The following ITPR1 variants were observed in gnomAD, a reference collection of about 807,000 sequenced individuals.
ITPR1 encodes the protein inositol 1,4,5-trisphosphate-gated calcium channel ITPR1.
In ITPR1, 96 loss-of-function variants were observed where a neutral mutation model predicts 318.4. That is an observed-to-expected ratio of 0.30 (90% CI 0.26 to 0.36). ITPR1 has a LOEUF of 0.36. ITPR1 is among the 10% of genes least tolerant of loss of function. ITPR1 has a pLI of 1.00. For synonymous variants in ITPR1, 1,312 were observed against 1,289.9 expected (o/e 1.02, Z -0.37); for missense variants, 2,440 against 3,460.2 (o/e 0.71, Z 7.40).
In ITPR1 at chr3:4,782,753, C is replaced by T; in HGVS notation, c.6510+12C>T. On this transcript the variant is annotated intron_variant, in intron 50 of 61. Coordinates refer to ENST00000649015, the MANE Select transcript of ITPR1 (RefSeq NM_001378452.1). ...TATTAGCCCATCAGGTATGATCTCT[C>T]CTGTGCCTCCTCTGGATGCTGCCTC... 6.8e-7 allele frequency: 1 copy of T among 1,470,968 alleles called. No individual in the cohort carries two copies. Among genetic ancestry groups the T allele is most frequent in the Non-Finnish European group, 9.0e-7 (1 of 1,105,348 alleles). 91.1% of individuals were successfully genotyped at this position (1,470,968 alleles called of 1,614,324 possible). A position where few individuals can be genotyped will look rare whatever the true frequency, so the allele number is the denominator to read the frequency against.
chr3:4,666,275 G>A (rs1393759413), intron 17 of ITPR1, among the ~76,000 whole-genome samples: 2 of 152,130 alleles, frequency 1.3e-5, no homozygotes, highest in Non-Finnish European at 1.5e-5. Context: ...TTTTTGTCAT[G>A]TCATCATAAA....
intron 17 of ITPR1, among the ~76,000 whole-genome samples, chr3:4,666,466 GT>G (rs2093948185): frequency 6.6e-6 from 1 of 152,102 alleles, no homozygotes; most frequent in African/African-American, 2.4e-5. Context: ...CACTTTGCTT[GT>G]ACATGAGGAA....
In ITPR1 at chr3:4,697,258, G is replaced by A; in HGVS notation, c.4393G>A (p.Val1465Ile). 2 of 1,556,730 alleles carry A rather than the reference G, an allele frequency of 1.3e-6. No homozygotes were observed. Among genetic ancestry groups the A allele is most frequent in the South Asian group, 1.2e-5 (1 of 84,542 alleles). ...HMWKLFENFL[V>I]DICRACNNTS... ...GTGGAAATTGTTTGAGAATTTCCTT[G>A]TAGACATCTGCAGGGTAAGGCTTTT... is the stretch of plus-strand genomic sequence containing the variant. Residue 1465 changes from valine (V) to isoleucine (I), a missense_variant, in exon 34 of 62, where the codon GTA (valine) becomes ATA (isoleucine). Val to Ile is a conservative substitution (Grantham distance 29, BLOSUM62 3). Transcript: ENST00000649015.
At chr3:4,612,094 C>G (rs1312015236) in intron 4 of ITPR1, among the ~76,000 whole-genome samples, 2 of 110,228 alleles carry the variant, frequency 1.8e-5, no homozygotes, top group Non-Finnish European at 3.4e-5. Flanking sequence ...GAGATGGAGT[C>G]TCACTCTGTC....
rs538684428 is a variant in ITPR1 at position 4,557,354 on chromosome 3, G to A, written c.163+36260G>A. Among the ~76,000 whole-genome samples, 950 of 152,222 alleles carry A rather than the reference G, an allele frequency of 6.2e-3. 4 individuals are homozygous for A. The highest frequency in any genetic ancestry group is 0.01 in the Admixed American group (154 of 15,302). ...ATTAACTATCATGAGAACAGCATGG[G>A]AAAGACCCGCCTCCATGAATCAATT... On this transcript the variant is annotated intron_variant, in intron 4 of 61. Transcript: ENST00000649015.
chr3:4,701,463 T>C (rs1382038410), intron 35 of ITPR1, among the ~76,000 whole-genome samples: 1 of 152,208 alleles, frequency 6.6e-6, no homozygotes. Context: ...AGGTTTCCCC[T>C]GCCAGTTTCC....
chr3:4,621,791 G>A (rs556064804), intron 4 of ITPR1, among the ~76,000 whole-genome samples: 12 of 152,290 alleles, frequency 7.9e-5, no homozygotes, highest in South Asian at 6.2e-4. Flanking sequence ...GCGTTTGCAC[G>A]TGCTGTTCCC....
At chr3:4,773,725 T>C (rs1164095049) in intron 46 of ITPR1, among the ~76,000 whole-genome samples, 1 of 152,192 alleles carries the variant, frequency 6.6e-6, no homozygotes, top group Non-Finnish European at 1.5e-5. Context: ...GTATCTTCCC[T>C]GAGGAGCTGG....
chr3:4,544,540 A>T (rs1209904905), intron 4 of ITPR1, among the ~76,000 whole-genome samples: 1 of 152,214 alleles, frequency 6.6e-6, no homozygotes, highest in Non-Finnish European at 1.5e-5. Context: ...GAAGTACCTA[A>T]GCTAATAGTT....
Position 4,693,760 on chromosome 3 carries a change from G to A in ITPR1, c.4281+19G>A. The A allele has an allele frequency of 3.1e-6, 5 of 1,601,794 alleles. No homozygotes were observed. The highest frequency in any genetic ancestry group is 4.3e-6 in the Non-Finnish European group (5 of 1,172,102). On this transcript the variant is annotated intron_variant, in intron 33 of 61. Transcript: ENST00000649015. ...CCCTGAGGTGAGCGAGCCCAGCCTG[G>A]CTGTGCCCTTCTCGTTGCTATGTGG...
chr3:4,799,271 G>A (rs1287084408), intron 53 of ITPR1, among the ~76,000 whole-genome samples: 1 of 152,230 alleles, frequency 6.6e-6, no homozygotes, highest in Non-Finnish European at 1.5e-5. Context: ...ATTGTTAAAT[G>A]CGTAGAAAGC....
intron 55 of ITPR1, 97 bp downstream of exon 55, chr3:4,806,364 T>G (rs1157282161): frequency 6.0e-6 from 7 of 1,173,108 alleles, no homozygotes; most frequent in Non-Finnish European, 8.8e-6. Context: ...TAATGGTGAT[T>G]GGTGTGCCTG....
intron 4 of ITPR1, among the ~76,000 whole-genome samples, chr3:4,548,011 C>T (rs1380814222): frequency 2.0e-5 from 3 of 152,182 alleles, no homozygotes; most frequent in Non-Finnish European, 4.4e-5. Flanking sequence ...TCTTATTTCT[C>T]ATGTTGAATT....
rs188895536 is a variant in ITPR1 at position 4,564,958 on chromosome 3, T to G, written c.163+43864T>G. ...GTTCATAAAAGAGGTGCATATAATTTGGCTAAACTCATTGTCTCTCACAAA... is the reference window on the plus strand; with the variant it reads ...GTTCATAAAAGAGGTGCATATAATTGGGCTAAACTCATTGTCTCTCACAAA... On this transcript the variant is annotated intron_variant, in intron 4 of 61. Transcript: ENST00000649015. Among the ~76,000 whole-genome samples, 267 of 152,338 alleles carry G rather than the reference T, an allele frequency of 1.8e-3. 2 individuals carry two copies. Among genetic ancestry groups the G allele is most frequent in the African/African-American group, 6.3e-3 (261 of 41,580 alleles).
chr3:4,670,656 A>C (rs2094057072), intron 19 of ITPR1, 73 bp from the exon 20 acceptor site: 1 of 1,119,472 alleles, frequency 8.9e-7, no homozygotes, highest in Non-Finnish European at 1.3e-6. Context: ...ATGTGTCTTT[A>C]TGCTGAAAGT....
chr3:4,731,600 TA>T (rs894699769), intron 42 of ITPR1, among the ~76,000 whole-genome samples: 7 of 152,316 alleles, frequency 4.6e-5, no homozygotes, highest in African/African-American at 1.7e-4. Context: ...CTCCCCTGTT[TA>T]TCCCATCCCA....
At chr3:4,766,496 A>T in intron 44 of ITPR1, 34 bp from the exon 45 acceptor site, 1 of 1,596,304 alleles carries the variant, frequency 6.3e-7, no homozygotes, top group Non-Finnish European at 8.6e-7. Context: ...CTGGTCAGTT[A>T]CAGTGTTCAC....
intron 4 of ITPR1, among the ~76,000 whole-genome samples, chr3:4,617,533 C>G (rs1472533804): frequency 6.6e-6 from 1 of 152,192 alleles, no homozygotes; most frequent in African/African-American, 2.4e-5. Flanking sequence ...CTCTTCAAGG[C>G]TCCACATCCC....
Position 4,833,825 on chromosome 3 carries a change from T to C in ITPR1, c.8029-2949T>C, listed in dbSNP as rs58231828. 2.7e-3 allele frequency among the ~76,000 whole-genome samples: 413 copies of C among 152,310 alleles called. 17 individuals are homozygous for C. In the East Asian group the frequency reaches 0.062, roughly 23 times the overall value. ...TTTAGCCAATCAATCAGTCACTGGT[T>C]GTTGGGTCTTACTTGGACACTACTC... On this transcript the variant is annotated intron_variant, in intron 60 of 61. Coordinates refer to ENST00000649015, the MANE Select transcript of ITPR1 (RefSeq NM_001378452.1).
Sources: allele counts gnomAD v4.1 joint callset (sites outside exome capture counted in the v4.1 genomes callset), GRCh38; gene constraint gnomAD v4.1.1; transcripts MANE v1.5; gene names NCBI Gene and HGNC (gene_info 2026-07-23, HGNC 2026-07-21).